The following KAT6A variants were observed in gnomAD, a reference collection of about 807,000 sequenced individuals.
KAT6A encodes histone acetyltransferase KAT6A.
A neutral mutation model predicts 198.4 loss-of-function variants in KAT6A; 9 were observed. The observed-to-expected ratio is 0.05, with a 90% CI of 0.03 to 0.08. The LOEUF (loss-of-function observed/expected upper bound fraction) is 0.08. Among genes scored for constraint, KAT6A ranks in the 10% least tolerant of loss-of-function variants. KAT6A has a pLI of 1.00. For missense variants in KAT6A, 2,077 were observed against 2,509.9 expected (o/e 0.83, Z 3.69); for synonymous variants, 890 against 883.0 (o/e 1.01, Z -0.14).
Position 41,981,960 on chromosome 8 carries a change from A to T in KAT6A, c.710-6T>A, listed in dbSNP as rs745886129. 10 of 1,490,192 alleles carry T rather than the reference A, an allele frequency of 6.7e-6. No homozygotes were observed. In the East Asian group the frequency reaches 2.3e-4, roughly 34 times the overall value. 92.3% of individuals were successfully genotyped at this position (1,490,192 alleles called of 1,614,324 possible). A position where few individuals can be genotyped will look rare whatever the true frequency, so the allele number is the denominator to read the frequency against. On this transcript the variant is annotated splice_polypyrimidine_tract_variant and splice_region_variant and intron_variant, in intron 3 of 16. Transcript: ENST00000265713. ...CTTTAAACAGGATGGATGGCCTAAT[A>T]CGAGGGAGAACATTCATGAATGAAA... is the stretch of plus-strand genomic sequence containing the variant.
intron 7 of KAT6A, among the ~76,000 whole-genome samples, chr8:41,975,170 T>C (rs1823987351): frequency 1.3e-5 from 2 of 152,180 alleles, no homozygotes; most frequent in South Asian, 4.1e-4. Flanking sequence ...AGTATAGGTT[T>C]AATGCATCAA....
chr8:41,964,138 C>T (rs1367388356), intron 8 of KAT6A, among the ~76,000 whole-genome samples: 1 of 152,078 alleles, frequency 6.6e-6, no homozygotes, highest in Non-Finnish European at 1.5e-5. Context: ...GCAGTTAAGG[C>T]CATGGAGTCA....
In KAT6A at chr8:42,013,264, T is replaced by C. The variant is rs1479549552; in HGVS notation, c.601-25701A>G. 2.7e-5 allele frequency among the ~76,000 whole-genome samples: 4 copies of C among 150,706 alleles called. No individual in the cohort carries two copies. In the East Asian group the frequency reaches 5.8e-4, roughly 22 times the overall value. On this transcript the variant is annotated intron_variant, in intron 2 of 16. Coordinates refer to ENST00000265713, the MANE Select transcript of KAT6A (RefSeq NM_006766.5). Reference sequence around the variant, plus strand: ...CTCTGTCATTTTTCTTTCTTTCTTTTTTTTTTTTTTTAGATGGAGTCTCGC... The same window carrying C: ...CTCTGTCATTTTTCTTTCTTTCTTTCTTTTTTTTTTTAGATGGAGTCTCGC...
chr8:42,034,430 A>G (rs1397738338), intron 2 of KAT6A, among the ~76,000 whole-genome samples: 1 of 152,190 alleles, frequency 6.6e-6, no homozygotes, highest in Non-Finnish European at 1.5e-5. Context: ...AGAAGTGGCA[A>G]TTGACAAGTT....
intron 2 of KAT6A, among the ~76,000 whole-genome samples, chr8:41,995,222 G>GTA (rs956733109): frequency 5.3e-4 from 81 of 152,272 alleles, no homozygotes; most frequent in African/African-American, 1.8e-3. Context: ...AAAGCCATGT[G>GTA]TAGTGCAGTA....
chr8:42,046,960 T>A (rs1802343006), intron 2 of KAT6A, among the ~76,000 whole-genome samples: 1 of 152,190 alleles, frequency 6.6e-6, no homozygotes, highest in Non-Finnish European at 1.5e-5. Flanking sequence ...TCTAAAAATT[T>A]CATCAAAGAA....
chr8:41,954,095 T>C (rs540772641), intron 9 of KAT6A, among the ~76,000 whole-genome samples: 23 of 152,310 alleles, frequency 1.5e-4, no homozygotes, highest in African/African-American at 3.6e-4. Context: ...CCTGGGGTTT[T>C]GCTTTTTCTT....
chr8:41,960,926 CCT>C (rs745579541), intron 8 of KAT6A, among the ~76,000 whole-genome samples: 31 of 152,102 alleles, frequency 2.0e-4, no homozygotes, highest in Non-Finnish European at 1.3e-4. Flanking sequence ...AATCCTAACC[CCT>C]GTTAAATTCA....
At position 41,934,101 on chromosome 8, in the gene KAT6A, G is replaced by C; in HGVS notation, c.4119C>G (p.Ser1373=). ...IKDKEETELD[S]EEEQPSHDTS... ...TGTCATGGGAAGGCTGCTCCTCTTC[G>C]GAATCCAGCTCGGTTTCCTCTTTAT... The change falls in exon 17 of 17, where the codon TCC becomes TCG. Residue 1373 remains serine, a synonymous_variant. Transcript: ENST00000265713. 6.2e-7 allele frequency: 1 copy of C among 1,613,962 alleles called. No individual in the cohort carries two copies. The highest frequency in any genetic ancestry group is 8.5e-7 in the Non-Finnish European group (1 of 1,180,012).
At chr8:42,008,588 C>G (rs1157024071) in intron 2 of KAT6A, among the ~76,000 whole-genome samples, 1 of 152,154 alleles carries the variant, frequency 6.6e-6, no homozygotes, top group Non-Finnish European at 1.5e-5. Context: ...ATCCGCCTGC[C>G]TCTGCCTTGG....
At chr8:41,935,565 A>C (rs984992353) in intron 16 of KAT6A, among the ~76,000 whole-genome samples, 1 of 152,250 alleles carries the variant, frequency 6.6e-6, no homozygotes, top group Non-Finnish European at 1.5e-5. Context: ...ATTTTAAAAA[A>C]ACTATGGTAA....
chr8:42,049,365 T>A (rs1802480560), intron 1 of KAT6A, 63 bp from the exon 2 acceptor site: 1 of 235,960 alleles, frequency 4.2e-6, no homozygotes, highest in African/African-American at 2.2e-5. Flanking sequence ...AAAATAAGCA[T>A]CCTCATCATA....
chr8:41,991,398 T>C (rs1824940123), intron 2 of KAT6A, among the ~76,000 whole-genome samples: 1 of 152,212 alleles, frequency 6.6e-6, no homozygotes, highest in South Asian at 2.1e-4. Context: ...CTGTACATTT[T>C]TTTAATGTAA....
At chr8:41,948,668 C>A (rs934735584) in intron 10 of KAT6A, among the ~76,000 whole-genome samples, 4 of 152,186 alleles carry the variant, frequency 2.6e-5, no homozygotes, top group African/African-American at 9.7e-5. Context: ...ATATACCACA[C>A]CTACCCCAGC....
In KAT6A at chr8:41,949,420, C is replaced by T. The variant is rs908682939; in HGVS notation, c.1599-57G>A. ...GCTTTATATTTTAGAGTACTTCAAA[C>T]TTCCACAATTATCATCTTTTTGCCT... On this transcript the variant is annotated intron_variant, in intron 9 of 16. Transcript: ENST00000265713. 13 of 1,291,744 alleles carry T rather than the reference C, an allele frequency of 1.0e-5. 1 individual carries two copies. The East Asian group carries it at 3.3e-4, about 33-fold the overall frequency. The allele number at this position is 1,291,744 out of a possible 1,614,324, so 80.0% of individuals were successfully genotyped here. A position where few individuals can be genotyped will look rare whatever the true frequency, so the allele number is the denominator to read the frequency against.
At position 41,978,767 on chromosome 8, in the gene KAT6A, T is replaced by C. The variant is rs773278513; in HGVS notation, c.918A>G (p.Ile306Met). 1.2e-6 allele frequency: 2 copies of C among 1,613,558 alleles called. No homozygotes were observed. Among genetic ancestry groups the C allele is most frequent in the African/African-American group, 2.7e-5 (2 of 74,880 alleles). Residue 306 changes from isoleucine (I) to methionine (M), a missense_variant, in exon 6 of 17, where the codon ATA (isoleucine) becomes ATG (methionine). Ile to Met is a conservative substitution (Grantham distance 10). This residue lies in a region of KAT6A where 89 missense variants were observed against 154.4 expected (regional missense o/e 0.58). Transcript: ENST00000265713. ...TTTTCCTAGGTCGACATATTTGACA[T>C]ATCCACATGCCTATAAAAAAATAAA... ...PLTRMPKGMW[I>M]CQICRPRKKG...
At chr8:41,980,051 C>T (rs1487970451) in intron 5 of KAT6A, among the ~76,000 whole-genome samples, 2 of 152,086 alleles carry the variant, frequency 1.3e-5, no homozygotes, top group African/African-American at 4.8e-5. Context: ...ACGGTTAAGT[C>T]ATTTTCTATC....
At chr8:41,969,925 A>G (rs973610606) in intron 8 of KAT6A, among the ~76,000 whole-genome samples, 3 of 152,120 alleles carry the variant, frequency 2.0e-5, no homozygotes, top group Non-Finnish European at 2.9e-5. Context: ...TGACTTTTGA[A>G]TACTCTTTTG....
intron 2 of KAT6A, among the ~76,000 whole-genome samples, chr8:42,008,812 T>C (rs1326329531): frequency 3.3e-5 from 5 of 152,166 alleles, no homozygotes; most frequent in Non-Finnish European, 7.4e-5. Flanking sequence ...ACTTTAACTT[T>C]AATTAATTTA....
Sources: gnomAD v4.1 joint callset for allele counts (sites outside exome capture counted in the v4.1 genomes callset) on GRCh38, gnomAD v4.1.1 for gene constraint, gnomAD v4.1.1 regional missense constraint, MANE v1.5 for transcripts, NCBI Gene and HGNC (gene_info 2026-07-23, HGNC 2026-07-21) for gene names.